The following RABGAP1L variants were observed in gnomAD, a reference collection of about 807,000 sequenced individuals.
The protein encoded by RABGAP1L is RAB GTPase activating protein 1 like.
In RABGAP1L, 63 loss-of-function variants were observed where a neutral mutation model predicts 137.7. The ratio of observed to expected loss-of-function variants is 0.46; its 90% CI spans 0.37 to 0.56. RABGAP1L has a LOEUF of 0.56. Among genes scored for constraint, RABGAP1L ranks in the 20% least tolerant of loss-of-function variants. RABGAP1L has a pLI of 0.00. For missense variants in RABGAP1L, 1,095 were observed against 1,244.0 expected, an observed-to-expected ratio of 0.88 and a Z score of 1.80; for synonymous variants, 431 against 433.7, an observed-to-expected ratio of 0.99 and a Z score of 0.08.
At chr1:174,869,206 G>A (rs144017903) in intron 19 of RABGAP1L, among the ~76,000 whole-genome samples, 10 of 152,106 alleles carry the variant, frequency 6.6e-5, no homozygotes, top group South Asian at 2.1e-4. Context: ...CTATTTTCTC[G>A]TTTTGTGGAT....
intron 13 of RABGAP1L, among the ~76,000 whole-genome samples, chr1:174,613,784 T>C (rs1210009408): frequency 1.3e-5 from 2 of 152,248 alleles, no homozygotes. Context: ...GCTCTTCCTG[T>C]TGAATTGATC....
At chr1:174,616,000 C>T (rs1196221112) in intron 13 of RABGAP1L, among the ~76,000 whole-genome samples, 1 of 152,082 alleles carries the variant, frequency 6.6e-6, no homozygotes, top group Non-Finnish European at 1.5e-5. Context: ...CTTTGGCTAG[C>T]AAAGGGAACT....
intron 19 of RABGAP1L, among the ~76,000 whole-genome samples, chr1:174,946,180 C>T (rs1389168246): frequency 6.6e-6 from 1 of 152,154 alleles, no homozygotes; most frequent in Non-Finnish European, 1.5e-5. Context: ...ATTAACAGCA[C>T]CTCCATCCTT....
intron 19 of RABGAP1L, among the ~76,000 whole-genome samples, chr1:174,815,992 T>G (rs529755360): frequency 6.6e-6 from 1 of 152,312 alleles, no homozygotes; most frequent in Non-Finnish European, 1.5e-5. Flanking sequence ...TTATTAAATA[T>G]CATACTTTGA....
At chr1:174,945,715 A>G (rs1666627041) in intron 19 of RABGAP1L, 1 of 152,206 alleles carries the variant, frequency 6.6e-6, no homozygotes, top group African/African-American at 2.4e-5. Context: ...TAAGGGATGC[A>G]GTGGGAACAG....
intron 18 of RABGAP1L, among the ~76,000 whole-genome samples, chr1:174,771,326 A>G (rs1184135180): frequency 6.6e-6 from 1 of 152,204 alleles, no homozygotes; most frequent in African/African-American, 2.4e-5. Flanking sequence ...AGCTGTGTCA[A>G]TCTGTGCTAT....
chr1:174,869,087 G>A (rs1651774122), intron 19 of RABGAP1L, among the ~76,000 whole-genome samples: 1 of 151,942 alleles, frequency 6.6e-6, no homozygotes, highest in African/African-American at 2.4e-5. Flanking sequence ...CTTCTCTTTA[G>A]TTTTCATCAA....
intron 19 of RABGAP1L, among the ~76,000 whole-genome samples, chr1:174,941,364 A>T (rs555155159): frequency 1.3e-5 from 2 of 150,476 alleles, no homozygotes; most frequent in East Asian, 4.0e-4. Flanking sequence ...AACTACTGTA[A>T]ATTTAACCTG....
At chr1:174,293,987 C>A (rs781619211) in intron 10 of RABGAP1L, among the ~76,000 whole-genome samples, 32 of 151,916 alleles carry the variant, frequency 2.1e-4, no homozygotes, top group Non-Finnish European at 4.3e-4. Context: ...TATTGGAGTT[C>A]AGTTAGACAT....
chr1:174,473,829 A>G (rs185508831), intron 13 of RABGAP1L, among the ~76,000 whole-genome samples: 5 of 152,344 alleles, frequency 3.3e-5, no homozygotes, highest in Non-Finnish European at 7.4e-5. Context: ...AGAGAATCTT[A>G]AAAGTTCTTG....
intron 11 of RABGAP1L, among the ~76,000 whole-genome samples, chr1:174,351,544 T>C (rs1294186486): frequency 1.3e-5 from 2 of 152,200 alleles, no homozygotes; most frequent in Non-Finnish European, 2.9e-5. Context: ...GCCAGACATA[T>C]TGCAGCTCCA....
At chr1:174,684,902 G>A (rs1235745308) in intron 15 of RABGAP1L, among the ~76,000 whole-genome samples, 3 of 152,138 alleles carry the variant, frequency 2.0e-5, no homozygotes, top group South Asian at 2.1e-4. Context: ...GACCACTTGA[G>A]CCTGGGAGGT....
intron 19 of RABGAP1L, among the ~76,000 whole-genome samples, chr1:174,860,340 A>T (rs1650075042): frequency 6.6e-6 from 1 of 152,132 alleles, no homozygotes; most frequent in African/African-American, 2.4e-5. Context: ...AGTGGTACAC[A>T]CCTACTGTCC....
chr1:174,384,326 C>T (rs931445296), intron 12 of RABGAP1L, among the ~76,000 whole-genome samples: 4 of 152,024 alleles, frequency 2.6e-5, no homozygotes, highest in Non-Finnish European at 5.9e-5. Flanking sequence ...GGGAACTATC[C>T]TGTATCTTGG....
At chr1:174,713,528 G>A (rs1167251836) in intron 17 of RABGAP1L, among the ~76,000 whole-genome samples, 5 of 152,086 alleles carry the variant, frequency 3.3e-5, no homozygotes, top group Non-Finnish European at 5.9e-5. Flanking sequence ...GGGAGATATG[G>A]TTGTTTAGAA....
chr1:174,564,134 T>C (rs1007461280), intron 13 of RABGAP1L, among the ~76,000 whole-genome samples: 1 of 152,210 alleles, frequency 6.6e-6, no homozygotes, highest in Non-Finnish European at 1.5e-5. Context: ...GGTATATCAT[T>C]GTTCCCAAAA....
chr1:174,173,607 G>T (rs1033507600), intron 1 of RABGAP1L, among the ~76,000 whole-genome samples: 1 of 151,848 alleles, frequency 6.6e-6, no homozygotes, highest in African/African-American at 2.4e-5. Context: ...ATTTTATGTA[G>T]TAAGTTTATG....
chr1:174,532,932 A>G (rs1418443979), intron 13 of RABGAP1L, among the ~76,000 whole-genome samples: 3 of 152,166 alleles, frequency 2.0e-5, no homozygotes, highest in Non-Finnish European at 4.4e-5. Context: ...TCCACAACTA[A>G]GCTTGAGAAA....
intron 11 of RABGAP1L, among the ~76,000 whole-genome samples, chr1:174,337,808 G>GT (rs928655873): frequency 6.6e-6 from 1 of 152,026 alleles, no homozygotes; most frequent in Non-Finnish European, 1.5e-5. Flanking sequence ...CTATATTTGT[G>GT]TATTAATTAA....
Sources: allele counts gnomAD v4.1 joint callset (sites outside exome capture counted in the v4.1 genomes callset), GRCh38; gene constraint gnomAD v4.1.1; transcripts MANE v1.5; gene names NCBI Gene and HGNC (gene_info 2026-07-23, HGNC 2026-07-21).